Variants in DCC observed in about 807,000 individuals in gnomAD.
DCC encodes netrin receptor DCC.
A neutral mutation model predicts 172.5 loss-of-function variants in DCC; 58 were observed. That is an observed-to-expected ratio of 0.34 (90% CI 0.27 to 0.42). The LOEUF is 0.42. DCC is among the 10% of genes least tolerant of loss of function. The pLI, the probability that DCC is intolerant of heterozygous loss-of-function variation, is 1.00. For missense variants in DCC, 1,740 were observed against 1,791.0 expected (o/e 0.97, Z 0.51); for synonymous variants, 709 against 644.5 (o/e 1.10, Z -1.52).
At chr18:52,526,735 C>T (rs2031993065) in intron 1 of DCC, among the ~76,000 whole-genome samples, 1 of 152,078 alleles carries the variant, frequency 6.6e-6, no homozygotes. Context: ...TACAGAAGGA[C>T]ATGGGCTTTT....
At chr18:53,105,139 G>A (rs2043226634) in intron 7 of DCC, among the ~76,000 whole-genome samples, 1 of 151,986 alleles carries the variant, frequency 6.6e-6, no homozygotes, top group African/African-American at 2.4e-5. Flanking sequence ...GGAAAAACAG[G>A]GTGAGAAGAT....
chr18:53,104,280 C>A (rs764127452), intron 7 of DCC, among the ~76,000 whole-genome samples: 1 of 151,984 alleles, frequency 6.6e-6, no homozygotes, highest in African/African-American at 2.4e-5. Context: ...TGAATACTCA[C>A]GTGTTGTGGG....
chr18:53,128,008 G>T (rs1379403983), intron 7 of DCC, among the ~76,000 whole-genome samples: 1 of 152,066 alleles, frequency 6.6e-6, no homozygotes, highest in Non-Finnish European at 1.5e-5. Flanking sequence ...TCCCCAAATT[G>T]TTTTAATAAC....
intron 1 of DCC, among the ~76,000 whole-genome samples, chr18:52,622,571 C>T (rs890843422): frequency 6.6e-6 from 1 of 152,152 alleles, no homozygotes. Context: ...CTCTTTCTTT[C>T]CATCACTGCC....
intron 1 of DCC, among the ~76,000 whole-genome samples, chr18:52,586,627 C>T (rs187194527): frequency 6.6e-5 from 10 of 152,268 alleles, no homozygotes; most frequent in South Asian, 2.1e-4. Context: ...GGAAGCAAAA[C>T]GTTTGCTAAT....
At chr18:52,885,671 C>T (rs1297267067) in intron 2 of DCC, among the ~76,000 whole-genome samples, 1 of 152,094 alleles carries the variant, frequency 6.6e-6, no homozygotes, top group African/African-American at 2.4e-5. Context: ...AAAGCTGGTA[C>T]CTAAAGTGCA....
chr18:53,063,291 TTC>T lies in DCC; in HGVS notation c.986-12_986-11del. 3 of 1,613,152 alleles carry T rather than the reference TTC, an allele frequency of 1.9e-6. No individual in the cohort carries two copies. The South Asian group carries it at 3.3e-5, about 18-fold the overall frequency. On this transcript the variant is annotated splice_polypyrimidine_tract_variant and intron_variant, in intron 5 of 28. Transcript: ENST00000442544. Reference sequence around the variant, plus strand: ...CCCACCCACTCACTCACTTTTTTTTTTCTGTCTTTGCAGTTCCGCCATGGTTT... The same window carrying T: ...CCCACCCACTCACTCACTTTTTTTTTTGTCTTTGCAGTTCCGCCATGGTTT...
chr18:53,072,670 A>G (rs1215996857), intron 7 of DCC, among the ~76,000 whole-genome samples: 5 of 152,224 alleles, frequency 3.3e-5, no homozygotes, highest in African/African-American at 1.2e-4. Context: ...ACCATGCACA[A>G]AATGGCTGTG....
intron 5 of DCC, among the ~76,000 whole-genome samples, chr18:52,957,181 A>G (rs985228275): frequency 2.0e-5 from 3 of 152,180 alleles, no homozygotes; most frequent in Non-Finnish European, 4.4e-5. Flanking sequence ...TGTAATATTT[A>G]TGATCATTTA....
rs762661363 is a variant in DCC, at chr18:52,656,022, ATATATG to A, written c.92-96026_92-96021del. 1.1e-3 allele frequency among the ~76,000 whole-genome samples: 133 copies of A among 115,982 alleles called. 1 individual carries two copies. Among genetic ancestry groups the A allele is most frequent in the African/African-American group, 3.4e-3 (108 of 31,606 alleles). 76.1% of individuals were successfully genotyped at this position (115,982 alleles called of 152,430 possible). Reference sequence around the variant, plus strand: ...TGTGCGTATATATATATGTGTGTATATATATGTATATATGTGTGTATATATATGTAT... The same window carrying A: ...TGTGCGTATATATATATGTGTGTATATATATATGTGTGTATATATATGTAT... On this transcript the variant is annotated intron_variant, in intron 1 of 28. Coordinates refer to ENST00000442544, the MANE Select transcript of DCC (RefSeq NM_005215.4).
chr18:52,521,180 T>G (rs2031802198), intron 1 of DCC, among the ~76,000 whole-genome samples: 1 of 78,460 alleles, frequency 1.3e-5, no homozygotes, highest in Admixed American at 1.1e-4. Flanking sequence ...AATTGTGAAT[T>G]TTTTTTTGAG....
chr18:53,508,189 G>A (rs925515159), intron 27 of DCC, among the ~76,000 whole-genome samples: 14 of 145,444 alleles, frequency 9.6e-5, no homozygotes, highest in South Asian at 2.2e-4. Flanking sequence ...CACCGCGCCC[G>A]GCCGAGACCA....
chr18:53,061,368 A>C (rs2042492858), intron 5 of DCC, among the ~76,000 whole-genome samples: 1 of 152,056 alleles, frequency 6.6e-6, no homozygotes, highest in African/African-American at 2.4e-5. Flanking sequence ...ATACATACGT[A>C]AACGTATATA....
chr18:53,137,973 G>T (rs955150432), intron 7 of DCC, among the ~76,000 whole-genome samples: 1 of 150,166 alleles, frequency 6.7e-6, no homozygotes, highest in African/African-American at 2.5e-5. Context: ...ATGCCACCAT[G>T]CCCTGCTAAC....
At position 53,417,099 on chromosome 18, in the gene DCC, A is replaced by G. The variant is rs149562887; in HGVS notation, c.3163+943A>G. Among the ~76,000 whole-genome samples, 12 of 152,258 alleles carry G rather than the reference A, an allele frequency of 7.9e-5. No homozygotes were observed. The East Asian group carries it at 2.3e-3, about 29-fold the overall frequency. ...TACTGTGGGCAGTGCTTACTTGCAA[A>G]CGTGTCTCATAAGGCACCATGTCGT... is the stretch of plus-strand genomic sequence containing the variant. On this transcript the variant is annotated intron_variant, in intron 21 of 28. Transcript: ENST00000442544.
At chr18:53,071,171 T>C (rs1042851102) in intron 7 of DCC, among the ~76,000 whole-genome samples, 3 of 152,200 alleles carry the variant, frequency 2.0e-5, no homozygotes, top group Non-Finnish European at 4.4e-5. Flanking sequence ...GTCGGATATT[T>C]ACATAAGCCT....
At chr18:53,381,240 G>T (rs1000335283) in intron 15 of DCC, among the ~76,000 whole-genome samples, 1 of 100,448 alleles carries the variant, frequency 1.0e-5, no homozygotes, top group Admixed American at 9.0e-5. Flanking sequence ...TTTTAAAAAA[G>T]AAATAATATA....
chr18:53,441,945 C>T (rs185354274), intron 22 of DCC, among the ~76,000 whole-genome samples: 32 of 152,290 alleles, frequency 2.1e-4, no homozygotes, highest in African/African-American at 7.7e-4. Flanking sequence ...GCCATTATCC[C>T]TTTTGCTGGC....
At chr18:52,497,076 A>G (rs1324625636) in intron 1 of DCC, among the ~76,000 whole-genome samples, 1 of 151,214 alleles carries the variant, frequency 6.6e-6, no homozygotes, top group African/African-American at 2.4e-5. Context: ...CAACATGACA[A>G]GACTTCATCC....
Sources: gnomAD v4.1 joint callset for allele counts (sites outside exome capture counted in the v4.1 genomes callset) on GRCh38, gnomAD v4.1.1 for gene constraint, MANE v1.5 for transcripts, NCBI Gene and HGNC (gene_info 2026-07-23, HGNC 2026-07-21) for gene names.